The following NRXN3 variants were observed in gnomAD, a reference collection of about 807,000 sequenced individuals.
NRXN3 encodes neurexin III.
A neutral mutation model predicts 137.6 loss-of-function variants in NRXN3; 32 were observed. That is an observed-to-expected ratio of 0.23 (90% CI 0.18 to 0.31). The LOEUF (loss-of-function observed/expected upper bound fraction) is 0.31, where lower values mean the gene tolerates loss of function less well. NRXN3 is among the 10% of genes least tolerant of loss of function. The pLI is 1.00. For synonymous variants in NRXN3, 798 were observed against 784.5 expected (o/e 1.02, Z -0.29); for missense variants, 1,574 against 2,062.5 (o/e 0.76, Z 4.59).
intron 19 of NRXN3, among the ~76,000 whole-genome samples, chr14:79,715,555 G>A (rs919459832): frequency 7.2e-5 from 11 of 152,192 alleles, no homozygotes; most frequent in Admixed American, 2.0e-4. Flanking sequence ...TTATTTAGTC[G>A]ATAAACACTT....
chr14:78,481,877 A>G (rs1786119353), intron 4 of NRXN3, among the ~76,000 whole-genome samples: 1 of 152,102 alleles, frequency 6.6e-6, no homozygotes, highest in South Asian at 2.1e-4. Context: ...TTCTTTTAGG[A>G]AATATTTATT....
chr14:78,343,534 A>T (rs1455325035), intron 4 of NRXN3, among the ~76,000 whole-genome samples: 2 of 152,230 alleles, frequency 1.3e-5, no homozygotes, highest in Non-Finnish European at 2.9e-5. Flanking sequence ...AAATGATTTT[A>T]TTTAATTCTT....
At chr14:78,875,870 G>A (rs1168708597) in intron 10 of NRXN3, among the ~76,000 whole-genome samples, 1 of 152,126 alleles carries the variant, frequency 6.6e-6, no homozygotes, top group Non-Finnish European at 1.5e-5. Flanking sequence ...GTGTGCATGA[G>A]AACGATAGGA....
chr14:78,919,304 G>C (rs1198348864), intron 10 of NRXN3, among the ~76,000 whole-genome samples: 1 of 152,052 alleles, frequency 6.6e-6, no homozygotes, highest in Non-Finnish European at 1.5e-5. Context: ...GACCTTTTAG[G>C]ATACAGTTGT....
At chr14:79,639,745 G>A (rs1406926998) in intron 16 of NRXN3, among the ~76,000 whole-genome samples, 3 of 152,150 alleles carry the variant, frequency 2.0e-5, no homozygotes, top group Non-Finnish European at 1.5e-5. Flanking sequence ...AGTAGCTAAG[G>A]TCATAAATAT....
In NRXN3 at chr14:79,397,976, T is replaced by C. The variant is rs1330743429; in HGVS notation, c.3263-69245T>C. Among the ~76,000 whole-genome samples, 4 of 152,332 alleles carry C rather than the reference T, an allele frequency of 2.6e-5. No homozygotes were observed. In the East Asian group the frequency reaches 7.7e-4, roughly 29 times the overall value. On this transcript the variant is annotated intron_variant, in intron 15 of 20. Transcript: ENST00000335750. ...GCAGGTCAGCAGTCTGATTTCAGTT[T>C]ACAGATGCAGTCTTAAAAAAGGACC...
chr14:79,320,624 T>C (rs1460239769), intron 15 of NRXN3, among the ~76,000 whole-genome samples: 1 of 152,164 alleles, frequency 6.6e-6, no homozygotes, highest in Non-Finnish European at 1.5e-5. Flanking sequence ...TGTATATTGT[T>C]CTAAATGCAA....
chr14:79,460,523 A>G (rs188446310), intron 15 of NRXN3, among the ~76,000 whole-genome samples: 1 of 152,292 alleles, frequency 6.6e-6, no homozygotes, highest in East Asian at 1.9e-4. Flanking sequence ...TTGAGTTCCC[A>G]TGTTATCAAA....
chr14:78,706,404 AAATTCAGCTTTTG>A (rs1287713549), intron 6 of NRXN3, among the ~76,000 whole-genome samples: 1 of 152,210 alleles, frequency 6.6e-6, no homozygotes, highest in Non-Finnish European at 1.5e-5. Context: ...CTAAAATGAA[AAATTCAGCTTTTG>A]AATTGTGAAG....
chr14:78,764,799 G>A (rs1185627368), intron 8 of NRXN3, among the ~76,000 whole-genome samples: 2 of 152,030 alleles, frequency 1.3e-5, no homozygotes, highest in South Asian at 2.1e-4. Flanking sequence ...AAGAGTTTTC[G>A]AGAGGAGTGC....
chr14:79,230,363 G>A (rs766373407), intron 15 of NRXN3, among the ~76,000 whole-genome samples: 12 of 152,056 alleles, frequency 7.9e-5, no homozygotes, highest in Non-Finnish European at 1.8e-4. Flanking sequence ...AAGTGACAAG[G>A]GTTGCCTAGC....
intron 15 of NRXN3, among the ~76,000 whole-genome samples, chr14:79,387,992 T>C (rs2094697063): frequency 6.8e-6 from 1 of 147,612 alleles, no homozygotes; most frequent in South Asian, 2.3e-4. Flanking sequence ...TTAGGAGATA[T>C]AGCTAATGTA....
chr14:78,533,579 C>T (rs558972497), intron 4 of NRXN3, among the ~76,000 whole-genome samples: 1 of 152,306 alleles, frequency 6.6e-6, no homozygotes, highest in Non-Finnish European at 1.5e-5. Context: ...TCCACAACAC[C>T]CACAGTTGCT....
In NRXN3 at chr14:78,966,972, G is replaced by A. The variant is rs1472451290; in HGVS notation, c.2778-236G>A. 1.4e-4 allele frequency among the ~76,000 whole-genome samples: 22 copies of A among 152,130 alleles called. 1 individual carries two copies. Among genetic ancestry groups the A allele is most frequent in the Admixed American group, 1.1e-3 (17 of 15,280 alleles). On this transcript the variant is annotated intron_variant, in intron 12 of 20. Coordinates refer to ENST00000335750, the MANE Select transcript of NRXN3 (RefSeq NM_001330195.2). ...TACAACCTGTGCTACTTTGACTCTG[G>A]AGAGTATTAGTAGGTAGTGTTAATG... is the stretch of plus-strand genomic sequence containing the variant.
intron 19 of NRXN3, among the ~76,000 whole-genome samples, chr14:79,747,978 T>A (rs890451501): frequency 4.6e-5 from 7 of 152,030 alleles, no homozygotes; most frequent in Admixed American, 1.3e-4. Flanking sequence ...CAACACATGT[T>A]CTCACTCAAA....
At chr14:79,246,958 A>G (rs538864538) in intron 15 of NRXN3, 14 of 152,408 alleles carry the variant, frequency 9.2e-5, no homozygotes, top group African/African-American at 3.4e-4. Flanking sequence ...ACCATTGCCT[A>G]TCATCCCACT....
intron 17 of NRXN3, among the ~76,000 whole-genome samples, chr14:79,678,752 A>C (rs2098654034): frequency 6.6e-6 from 1 of 152,172 alleles, no homozygotes; most frequent in Non-Finnish European, 1.5e-5. Context: ...TTGACAAGAC[A>C]GCAATGGTAC....
intron 16 of NRXN3, among the ~76,000 whole-genome samples, chr14:79,477,248 A>G (rs1414630364): frequency 6.6e-6 from 1 of 152,034 alleles, no homozygotes; most frequent in Non-Finnish European, 1.5e-5. Flanking sequence ...TCTCAAATTC[A>G]TGAATTCAAT....
intron 4 of NRXN3, among the ~76,000 whole-genome samples, chr14:78,344,585 G>A (rs975115430): frequency 6.6e-6 from 1 of 152,190 alleles, no homozygotes; most frequent in African/African-American, 2.4e-5. Flanking sequence ...GGATGGGGGA[G>A]CTGCTGCTCT....
Sources: gnomAD v4.1 joint callset for allele counts (sites outside exome capture counted in the v4.1 genomes callset) on GRCh38, gnomAD v4.1.1 for gene constraint, MANE v1.5 for transcripts, NCBI Gene and HGNC (gene_info 2026-07-23, HGNC 2026-07-21) for gene names.